Variants in ITSN2 observed in about 807,000 individuals in gnomAD.
ITSN2 encodes intersectin-2.
A neutral mutation model predicts 243.7 loss-of-function variants in ITSN2; 156 were observed. The observed-to-expected ratio is 0.64, with a 90% CI of 0.56 to 0.73. The LOEUF is 0.73. Ranked by LOEUF, ITSN2 falls within the 30% of genes least tolerant of loss-of-function variation. The pLI is 0.00. For missense variants in ITSN2, 1,801 were observed against 1,996.1 expected (o/e 0.90, Z 1.86); for synonymous variants, 703 against 699.9 (o/e 1.00, Z -0.07).
rs771796346 is a variant in ITSN2, at chr2:24,271,753, T to A, written c.2257+13A>T. The stretch of plus-strand genomic sequence containing the variant: ...GCATTTGTTCTACTGTCTCAAAGTA[T>A]CCTTATCCTTACGTTTTTTCTCCTC... On this transcript the variant is annotated intron_variant, in intron 19 of 39. Transcript: ENST00000355123. 3.8e-6 allele frequency: 6 copies of A among 1,573,296 alleles called. No homozygotes were observed. In the East Asian group the frequency reaches 1.3e-4, roughly 35 times the overall value.
At chr2:24,346,257 A>G (rs1450931696) in intron 1 of ITSN2, among the ~76,000 whole-genome samples, 1 of 152,250 alleles carries the variant, frequency 6.6e-6, no homozygotes, top group African/African-American at 2.4e-5. Context: ...GCATGCAGAC[A>G]GTATGTGCTC....
At chr2:24,347,725 TTC>T (rs66728563) in intron 1 of ITSN2, among the ~76,000 whole-genome samples, 139,766 of 148,036 alleles carry the variant, frequency 0.94, 65,938 homozygotes, top group East Asian at 0.98. Flanking sequence ...AATTTGGGTT[TTC>T]TTTTTTTTTT....
intron 8 of ITSN2, 34 bp downstream of exon 8, chr2:24,308,583 T>C: frequency 7.6e-7 from 1 of 1,311,146 alleles, no homozygotes; most frequent in Non-Finnish European, 9.9e-7. Context: ...TAAAAGACCC[T>C]TTTTCATGCT....
intron 1 of ITSN2, among the ~76,000 whole-genome samples, chr2:24,345,024 ATAT>A (rs1477936320): frequency 2.6e-5 from 4 of 152,180 alleles, no homozygotes; most frequent in Admixed American, 6.5e-5. Flanking sequence ...TCATATCTAA[ATAT>A]TATCACCTCA....
chr2:24,215,001 C>T (rs1443255644), intron 32 of ITSN2, among the ~76,000 whole-genome samples: 1 of 152,204 alleles, frequency 6.6e-6, no homozygotes, highest in Non-Finnish European at 1.5e-5. Flanking sequence ...GTTTCTACTA[C>T]TGAACAACAT....
chr2:24,209,943 GT>G lies in ITSN2; in HGVS notation c.4347del (p.Glu1449AspfsTer47), dbSNP rs1558426929. 1.2e-6 allele frequency: 2 copies of G among 1,614,182 alleles called. No individual in the cohort carries two copies. Among genetic ancestry groups the G allele is most frequent in the Admixed American group, 3.3e-5 (2 of 60,034 alleles). On this transcript the variant is annotated frameshift_variant, in exon 35 of 40. Transcript: ENST00000355123. LOFTEE classifies it high-confidence loss of function. ...AAGTCATTGAAGAGGAATCCGTGCA[GT>G]TCCTTGTTGCTCTTGGTCTTGTATA... is the stretch of plus-strand genomic sequence containing the variant. ...GKLYKTKSNK[E>X]LHGFLFNDFL...
intron 29 of ITSN2, among the ~76,000 whole-genome samples, chr2:24,233,461 A>T (rs2151211963): frequency 6.6e-6 from 1 of 152,264 alleles, no homozygotes; most frequent in East Asian, 1.9e-4. Context: ...TTTACCCTCC[A>T]TCTTGCAATT....
intron 22 of ITSN2, among the ~76,000 whole-genome samples, chr2:24,259,262 C>CCA (rs1317490231): frequency 2.0e-5 from 3 of 152,204 alleles, no homozygotes; most frequent in Non-Finnish European, 4.4e-5. Flanking sequence ...TCCTCACTCT[C>CCA]CACATTCAAT....
chr2:24,299,026 CTTTTTTTTTT>C (rs1181200021), intron 12 of ITSN2, among the ~76,000 whole-genome samples: 7 of 124,302 alleles, frequency 5.6e-5, no homozygotes, highest in African/African-American at 1.2e-4. Context: ...TTCACGAGAT[CTTTTTTTTTT>C]TTTTTTTTTT....
intron 1 of ITSN2, among the ~76,000 whole-genome samples, chr2:24,352,386 G>GT (rs1688101182): frequency 6.6e-6 from 1 of 151,990 alleles, no homozygotes; most frequent in African/African-American, 2.4e-5. Context: ...AATCTAATTT[G>GT]TTTTACTGAA....
chr2:24,334,518 A>G, intron 1 of ITSN2: 2 of 766,346 alleles, frequency 2.6e-6, no homozygotes, highest in Non-Finnish European at 4.6e-6. Context: ...AAACATGGTG[A>G]ACATTCCTAA....
At chr2:24,254,757 CTTAGT>C (rs1239433541) in intron 23 of ITSN2, among the ~76,000 whole-genome samples, 3 of 151,882 alleles carry the variant, frequency 2.0e-5, no homozygotes. Context: ...ACATATAGGG[CTTAGT>C]TTAGTGTAGG....
At chr2:24,216,289 G>T in intron 31 of ITSN2, 57 bp from the exon 32 acceptor site, 1 of 1,394,172 alleles carries the variant, frequency 7.2e-7, no homozygotes, top group Non-Finnish European at 9.7e-7. Context: ...GGTAATTAAA[G>T]GATGAATCCC....
Position 24,351,490 on chromosome 2 carries a change from C to T in ITSN2, c.-34+8814G>A, listed in dbSNP as rs193255315. On this transcript the variant is annotated intron_variant, in intron 1 of 39. Coordinates refer to ENST00000355123, the MANE Select transcript of ITSN2 (RefSeq NM_006277.3). ...CTTTGTGGACTTGCACATGACATAGCTTCAATTTCCTAACCAAATAATGTG... is the reference window on the plus strand; with the variant it reads ...CTTTGTGGACTTGCACATGACATAGTTTCAATTTCCTAACCAAATAATGTG... Among the ~76,000 whole-genome samples the T allele has an allele frequency of 2.6e-5, 4 of 152,306 alleles. No homozygotes were observed. The East Asian group carries it at 7.7e-4, about 29-fold the overall frequency.
intron 1 of ITSN2, among the ~76,000 whole-genome samples, chr2:24,350,461 T>C (rs1687923223): frequency 6.6e-6 from 1 of 152,272 alleles, no homozygotes; most frequent in South Asian, 2.1e-4. Flanking sequence ...AAGTCAGCAA[T>C]TCCACCCCTC....
At chr2:24,256,378 G>C (rs149603392) in intron 23 of ITSN2, among the ~76,000 whole-genome samples, 67 of 152,296 alleles carry the variant, frequency 4.4e-4, no homozygotes, top group South Asian at 1.0e-3. Flanking sequence ...TTAGAAAACT[G>C]AAGATTAAGT....
chr2:24,336,283 A>T (rs995004095), intron 1 of ITSN2, among the ~76,000 whole-genome samples: 15 of 151,442 alleles, frequency 9.9e-5, no homozygotes, highest in Non-Finnish European at 1.3e-4. Flanking sequence ...TTGCCCACTC[A>T]TATCACCTGG....
intron 4 of ITSN2, among the ~76,000 whole-genome samples, chr2:24,312,772 G>C (rs1364900201): frequency 6.6e-6 from 1 of 152,218 alleles, no homozygotes; most frequent in East Asian, 1.9e-4. Flanking sequence ...AGATGGGACA[G>C]GGGTTGTTAC....
Position 24,286,376 on chromosome 2 carries a change from T to C in ITSN2, c.1724-25A>G, listed in dbSNP as rs750418264. On this transcript the variant is annotated intron_variant, in intron 15 of 39. Coordinates refer to ENST00000355123, the MANE Select transcript of ITSN2 (RefSeq NM_006277.3). ...TCTGAAAAACAAACATCAGACAGTT[T>C]ACATTTTGCAGAAGTTCGTATGTCA... The C allele has an allele frequency of 1.2e-5, 19 of 1,607,526 alleles. No homozygotes were observed. The Admixed American group carries it at 2.9e-4, about 24-fold the overall frequency.
Sources: gnomAD v4.1 joint callset for allele counts (sites outside exome capture counted in the v4.1 genomes callset) on GRCh38, gnomAD v4.1.1 for gene constraint, MANE v1.5 for transcripts, NCBI Gene and HGNC (gene_info 2026-07-23, HGNC 2026-07-21) for gene names.